The following TEX36 variants were observed in gnomAD, a reference collection of about 807,000 sequenced individuals.
TEX36 encodes testis-expressed protein 36.
In TEX36, 12 loss-of-function variants were observed where a neutral mutation model predicts 13.6. The observed-to-expected ratio is 0.88, with a 90% confidence interval of 0.56 to 1.43. The LOEUF is 1.43. Ranked by LOEUF, TEX36 falls within the 40% of genes most tolerant of loss-of-function variation. The probability of loss-of-function intolerance (pLI) is 0.00; values close to 1 mark genes in which losing one functional copy is unlikely to be tolerated. For synonymous variants in TEX36, 93 were observed against 83.0 expected (o/e 1.12, Z -0.65); for missense variants, 224 against 228.3 (o/e 0.98, Z 0.12).
At chr10:125,619,182 C>T (rs148667956), downstream of TEX36, among the ~76,000 whole-genome samples, 9 of 151,850 alleles carry the variant, frequency 5.9e-5, no homozygotes, top group East Asian at 9.7e-4. Flanking sequence ...GGAGAATATC[C>T]GTTATTGGTT....
intron 3 of TEX36, among the ~76,000 whole-genome samples, chr10:125,622,073 T>C (rs1233158370): frequency 6.6e-6 from 1 of 152,082 alleles, no homozygotes; most frequent in African/African-American, 2.4e-5. Flanking sequence ...TTCAATCCAA[T>C]CAAGTTGACA....
At chr10:125,650,270 A>G (rs538630373) in intron 3 of TEX36, among the ~76,000 whole-genome samples, 4 of 152,222 alleles carry the variant, frequency 2.6e-5, no homozygotes, top group Non-Finnish European at 5.9e-5. Flanking sequence ...CAGCAAATGT[A>G]AAAGAATAGA....
intron 3 of TEX36, among the ~76,000 whole-genome samples, chr10:125,611,030 T>A (rs112430648): frequency 6.6e-5 from 10 of 152,336 alleles, no homozygotes; most frequent in African/African-American, 2.4e-4. Flanking sequence ...ACCTGCCTTT[T>A]TTTCATTTAA....
At position 125,660,890 on chromosome 10, in the gene TEX36, G is replaced by T. The variant is rs946102616; in HGVS notation, c.264+131C>A. 4.8e-5 allele frequency: 37 copies of T among 776,198 alleles called. No homozygotes were observed. In the Admixed American group the frequency reaches 8.1e-4, roughly 17 times the overall value. 48.1% of individuals were successfully genotyped at this position (776,198 alleles called of 1,614,324 possible). On this transcript the variant is annotated intron_variant, in intron 3 of 3. Transcript: ENST00000368821. ...TTTTTTTTAATCTGTTATGAGTCTT[G>T]TTTAAGACCTCGCTTTGTTTTGACC... is the stretch of plus-strand genomic sequence containing the variant.
At chr10:125,588,675 C>T (rs992802995) in intron 3 of TEX36, among the ~76,000 whole-genome samples, 2 of 152,118 alleles carry the variant, frequency 1.3e-5, no homozygotes, top group Non-Finnish European at 2.9e-5. Context: ...AGTGCTGTGG[C>T]CCAATCTCGG....
chr10:125,587,767 C>T (rs866019975), intron 3 of TEX36, among the ~76,000 whole-genome samples: 22 of 137,276 alleles, frequency 1.6e-4, no homozygotes, highest in Admixed American at 9.0e-4. Context: ...CAAGGGCGAG[C>T]GAAGCTCTGT....
At chr10:125,669,093 C>T (rs1847175187) in intron 1 of TEX36, among the ~76,000 whole-genome samples, 1 of 152,062 alleles carries the variant, frequency 6.6e-6, no homozygotes, top group South Asian at 2.1e-4. Context: ...GAGATCGAGA[C>T]CATCTTGGCC....
At chr10:125,591,095 C>T (rs1846016670) in intron 3 of TEX36, among the ~76,000 whole-genome samples, 1 of 152,182 alleles carries the variant, frequency 6.6e-6, no homozygotes, top group Non-Finnish European at 1.5e-5. Context: ...TTCCACCAAG[C>T]TGTGAGGCCA....
intron 3 of TEX36, among the ~76,000 whole-genome samples, chr10:125,627,798 C>A (rs1846505679): frequency 6.6e-6 from 1 of 152,200 alleles, no homozygotes; most frequent in Admixed American, 6.5e-5. Flanking sequence ...TAAAACAGAG[C>A]TCTGGGAGCT....
rs1024168785 is a variant in TEX36, at chr10:125,667,749, C to T, written c.52-5772G>A. 14 of 819,160 alleles carry T rather than the reference C, an allele frequency of 1.7e-5. No individual in the cohort carries two copies. In the Admixed American group the frequency reaches 2.2e-4, roughly 13 times the overall value. The allele number at this position is 819,160 out of a possible 1,614,324, so 50.7% of individuals were successfully genotyped here. On this transcript the variant is annotated intron_variant, in intron 1 of 3. Transcript: ENST00000368821. ...TCCCCGATGCAGGGGTTCACGCAGT[C>T]GTCAGCTGTCAGCAGCAGCTGACAG...
At chr10:125,584,759 G>A (rs1209677611) in intron 3 of TEX36, among the ~76,000 whole-genome samples, 1 of 152,158 alleles carries the variant, frequency 6.6e-6, no homozygotes, top group Non-Finnish European at 1.5e-5. Context: ...ACAAGCCAAG[G>A]GGAGAGACCT....
intron 3 of TEX36, among the ~76,000 whole-genome samples, chr10:125,589,749 A>C (rs550964450): frequency 7.9e-5 from 12 of 152,326 alleles, no homozygotes; most frequent in Non-Finnish European, 1.8e-4. Context: ...GGATTTCTGC[A>C]TCTCTTATGT....
At chr10:125,661,680 C>A (rs7075452) in intron 2 of TEX36, among the ~76,000 whole-genome samples, 166 bp downstream of exon 2, 1 of 152,048 alleles carries the variant, frequency 6.6e-6, no homozygotes, top group African/African-American at 2.4e-5. Context: ...GTTCCTGCCG[C>A]AGAGCACCAG....
At chr10:125,657,952 T>C (rs1846973804) in intron 3 of TEX36, among the ~76,000 whole-genome samples, 1 of 152,076 alleles carries the variant, frequency 6.6e-6, no homozygotes, top group Admixed American at 6.5e-5. Flanking sequence ...AGAATATCAG[T>C]AGAAGTCAGA....
intron 3 of TEX36, among the ~76,000 whole-genome samples, chr10:125,606,716 G>A (rs1846220468): frequency 6.6e-6 from 1 of 152,176 alleles, no homozygotes; most frequent in Non-Finnish European, 1.5e-5. Flanking sequence ...AACAGCTAAG[G>A]TGAATCATTT....
intron 3 of TEX36, among the ~76,000 whole-genome samples, chr10:125,631,958 C>T (rs1036513007): frequency 1.3e-5 from 2 of 151,996 alleles, no homozygotes; most frequent in Non-Finnish European, 2.9e-5. Context: ...TTAGGAGAAG[C>T]CCTCCGTGTG....
intron 3 of TEX36, among the ~76,000 whole-genome samples, chr10:125,580,293 A>G (rs1318927767): frequency 6.6e-6 from 1 of 152,230 alleles, no homozygotes; most frequent in East Asian, 1.9e-4. Context: ...ACTCTAACTA[A>G]AATGTCAAGT....
chr10:125,654,795 A>C (rs376049220), downstream of TEX36, among the ~76,000 whole-genome samples: 3 of 152,262 alleles, frequency 2.0e-5, no homozygotes, highest in East Asian at 3.8e-4. Flanking sequence ...GGGATAAAAC[A>C]GAAATTCACA....
At chr10:125,602,903 G>A (rs986082120) in intron 3 of TEX36, among the ~76,000 whole-genome samples, 1 of 152,226 alleles carries the variant, frequency 6.6e-6, no homozygotes, top group Admixed American at 6.5e-5. Context: ...TTCGAGGACA[G>A]CCTGATGATT....
Sources: allele counts gnomAD v4.1 joint callset (sites outside exome capture counted in the v4.1 genomes callset), GRCh38; gene constraint gnomAD v4.1.1; transcripts MANE v1.5; gene names NCBI Gene and HGNC (gene_info 2026-07-23, HGNC 2026-07-21).